The following DCAF8L2 variants were observed in gnomAD, a reference collection of about 807,000 sequenced individuals.
The protein encoded by DCAF8L2 is DDB1 and CUL4 associated factor 8 like 2.
For synonymous variants in DCAF8L2, 200 were observed against 190.9 expected, an observed-to-expected ratio of 1.05 and a Z score of -0.39; for missense variants, 430 against 490.7, an observed-to-expected ratio of 0.88 and a Z score of 1.17.
the DCAF8L2 span, among the ~76,000 whole-genome samples, chrX:27,551,106 C>G: frequency 6.5e-4 from 71 of 109,207 alleles, no homozygotes; most frequent in African/African-American, 2.2e-3. Flanking sequence ...CCTGGCTGTT[C>G]CCCTATCTCT....
chrX:27,533,321 A>G, the DCAF8L2 span, among the ~76,000 whole-genome samples: 5 of 109,680 alleles, frequency 4.6e-5, no homozygotes, highest in Non-Finnish European at 7.6e-5. Context: ...CAGGAGGATC[A>G]CTTGAACCCG....
chrX:27,557,172 A>G, the DCAF8L2 span, among the ~76,000 whole-genome samples: 2 of 112,269 alleles, frequency 1.8e-5, no homozygotes, highest in South Asian at 3.7e-4. Context: ...AAAAGCTCCA[A>G]TGTAAATTCT....
intron 2 of DCAF8L2, chrX:27,632,989 A>C (rs1239802469): frequency 8.9e-6 from 1 of 112,103 alleles, no homozygotes; most frequent in Non-Finnish European, 1.9e-5. Context: ...ATAAAAGTAT[A>C]TTGAAAACAT....
chrX:27,741,243 A>G (rs1337396212), intron 4 of DCAF8L2, among the ~76,000 whole-genome samples: 2 of 111,305 alleles, frequency 1.8e-5, no homozygotes, highest in African/African-American at 6.5e-5. Flanking sequence ...TCCAAAGCCG[A>G]TTAAGATTTC....
chrX:27,486,131 G>A, the DCAF8L2 span, among the ~76,000 whole-genome samples: 1 of 106,764 alleles, frequency 9.4e-6, no homozygotes, highest in East Asian at 3.0e-4. Flanking sequence ...TCAGCCTCCC[G>A]AGCATCTGGG....
At chrX:27,497,509 T>TTTCTTTCC in the DCAF8L2 span, among the ~76,000 whole-genome samples, 3,374 of 46,439 alleles carry the variant, frequency 0.073, 162 homozygotes, top group South Asian at 0.11. Context: ...TCTTTCTTTC[T>TTTCTTTCC]TTCCTTCCTT....
chrX:27,477,896 GT>G, the DCAF8L2 span, among the ~76,000 whole-genome samples: 1 of 110,536 alleles, frequency 9.0e-6, no homozygotes, highest in Non-Finnish European at 1.9e-5. Context: ...ATATCTTTCC[GT>G]TTTTTTTAGA....
the DCAF8L2 span, among the ~76,000 whole-genome samples, chrX:27,554,557 G>T: frequency 5.4e-5 from 6 of 111,943 alleles, no homozygotes; most frequent in African/African-American, 1.6e-4. Context: ...TGTACTAGAA[G>T]CATGTGTTGT....
the DCAF8L2 span, among the ~76,000 whole-genome samples, chrX:27,501,917 A>G: frequency 9.0e-6 from 1 of 110,923 alleles, no homozygotes; most frequent in African/African-American, 3.3e-5. Flanking sequence ...TCTTTGCCCA[A>G]GGCCGTAGAT....
intron 2 of DCAF8L2, among the ~76,000 whole-genome samples, chrX:27,652,106 A>G (rs1929176386): frequency 9.0e-6 from 1 of 110,716 alleles, no homozygotes; most frequent in African/African-American, 3.3e-5. Flanking sequence ...TTGAACATGC[A>G]GAATTCTTAG....
At chrX:27,634,983 C>CACACACACACAT (rs752185455) in intron 2 of DCAF8L2, among the ~76,000 whole-genome samples, 1,256 of 99,137 alleles carry the variant, frequency 0.013, 15 homozygotes, top group African/African-American at 0.046. Flanking sequence ...CACACACACA[C>CACACACACACAT]ATATATAGAG....
At chrX:27,502,612 A>G in the DCAF8L2 span, among the ~76,000 whole-genome samples, 3 of 108,279 alleles carry the variant, frequency 2.8e-5, no homozygotes, top group African/African-American at 3.3e-5. Flanking sequence ...AAATTCTGTG[A>G]TCTTCACCTA....
At chrX:27,473,381 G>A in the DCAF8L2 span, among the ~76,000 whole-genome samples, 1 of 111,016 alleles carries the variant, frequency 9.0e-6, no homozygotes, top group Admixed American at 9.6e-5. Context: ...AACTTCCACA[G>A]ATGGCATTTT....
At chrX:27,480,764 C>G in the DCAF8L2 span, among the ~76,000 whole-genome samples, 119 of 111,663 alleles carry the variant, frequency 1.1e-3, 1 homozygote, top group African/African-American at 3.8e-3. Context: ...TCATAACTTG[C>G]CTTCTATATT....
chrX:27,602,808 C>T (rs1183940003), intron 1 of DCAF8L2, among the ~76,000 whole-genome samples: 1 of 110,995 alleles, frequency 9.0e-6, no homozygotes, highest in Non-Finnish European at 1.9e-5. Context: ...GTTCAAAGTG[C>T]AAATAATTTG....
chrX:27,724,051 G>A (rs749885964), intron 4 of DCAF8L2, among the ~76,000 whole-genome samples: 1 of 110,203 alleles, frequency 9.1e-6, no homozygotes, highest in African/African-American at 3.3e-5. Flanking sequence ...AACACTAGGA[G>A]GATAAGAAAA....
At chrX:27,571,846 T>C in the DCAF8L2 span, among the ~76,000 whole-genome samples, 280 of 111,129 alleles carry the variant, frequency 2.5e-3, no homozygotes, top group African/African-American at 7.0e-3. Context: ...TCAGTGATCC[T>C]GCCAAGTTGG....
At chrX:27,515,017 A>G in the DCAF8L2 span, among the ~76,000 whole-genome samples, 9 of 111,861 alleles carry the variant, frequency 8.0e-5, no homozygotes, top group Non-Finnish European at 1.3e-4. Context: ...ATTTCAAGAT[A>G]GATAGAAGAC....
At chrX:27,542,788 C>A in the DCAF8L2 span, among the ~76,000 whole-genome samples, 7 of 109,601 alleles carry the variant, frequency 6.4e-5, no homozygotes, top group African/African-American at 2.3e-4. Flanking sequence ...GGGATCCGCC[C>A]GCCTCGGCCT....
Sources: gnomAD v4.1 joint callset for allele counts (sites outside exome capture counted in the v4.1 genomes callset) on GRCh38, gnomAD v4.1.1 for gene constraint, MANE v1.5 for transcripts, NCBI Gene and HGNC (gene_info 2026-07-23, HGNC 2026-07-21) for gene names.